The following UST variants were observed in gnomAD, a reference collection of about 807,000 sequenced individuals.
UST encodes uronyl 2-sulfotransferase, also known as chondroitin sulfate 2-O-sulfotransferase.
Under a neutral mutation model 45.6 loss-of-function variants are expected in UST, and 21 were observed. The ratio of observed to expected loss-of-function variants is 0.46; its 90% CI spans 0.33 to 0.66. UST has a LOEUF of 0.66. Among genes scored for constraint, UST ranks in the 30% least tolerant of loss-of-function variants. The probability of loss-of-function intolerance (pLI) is 0.02; values close to 1 mark genes in which losing one functional copy is unlikely to be tolerated. For synonymous variants in UST, 215 were observed against 200.6 expected, an observed-to-expected ratio of 1.07 and a Z score of -0.61; for missense variants, 463 against 512.4, an observed-to-expected ratio of 0.90 and a Z score of 0.93.
chr6:148,897,861 A>G (rs551159972), intron 2 of UST, among the ~76,000 whole-genome samples: 5 of 152,332 alleles, frequency 3.3e-5, no homozygotes, highest in East Asian at 1.9e-4. Flanking sequence ...TTATAAGAAC[A>G]TTGAGGTCTT....
intron 2 of UST, among the ~76,000 whole-genome samples, chr6:148,940,123 G>A (rs1780095422): frequency 6.6e-6 from 1 of 152,062 alleles, no homozygotes; most frequent in African/African-American, 2.4e-5. Context: ...TAGTCACAGG[G>A]AAATGCAAAT....
At chr6:148,818,591 G>T (rs963703125) in intron 1 of UST, among the ~76,000 whole-genome samples, 19 of 152,182 alleles carry the variant, frequency 1.2e-4, no homozygotes, top group African/African-American at 4.6e-4. Flanking sequence ...TTCAAACCTG[G>T]GTGGCTGGCT....
At chr6:148,879,842 T>C (rs897045317) in intron 1 of UST, among the ~76,000 whole-genome samples, 2 of 152,210 alleles carry the variant, frequency 1.3e-5, no homozygotes, top group Admixed American at 6.5e-5. Flanking sequence ...GGTACAGCAG[T>C]GTATTCAGAG....
At chr6:148,961,999 G>T (rs1475372661) in intron 4 of UST, among the ~76,000 whole-genome samples, 1 of 152,200 alleles carries the variant, frequency 6.6e-6, no homozygotes, top group East Asian at 1.9e-4. Context: ...TGTCACCCCA[G>T]ATTTTCCCAA....
intron 1 of UST, among the ~76,000 whole-genome samples, chr6:148,801,556 A>T (rs144687279): frequency 1.0e-3 from 158 of 152,006 alleles, no homozygotes; most frequent in Non-Finnish European, 1.9e-3. Flanking sequence ...GGTGTGGTAG[A>T]TGTGTGAAGG....
intron 1 of UST, among the ~76,000 whole-genome samples, chr6:148,828,961 C>T (rs1023965649): frequency 6.6e-6 from 1 of 152,102 alleles, no homozygotes; most frequent in African/African-American, 2.4e-5. Context: ...AATTAGAAAG[C>T]ACATGCTATT....
chr6:148,941,695 T>A (rs1780130417), intron 3 of UST, among the ~76,000 whole-genome samples: 1 of 152,234 alleles, frequency 6.6e-6, no homozygotes, highest in Non-Finnish European at 1.5e-5. Context: ...TCTAGTTAGC[T>A]AAAATTAGCG....
intron 1 of UST, among the ~76,000 whole-genome samples, chr6:148,793,684 A>G (rs1053341940): frequency 6.6e-6 from 1 of 152,086 alleles, no homozygotes; most frequent in African/African-American, 2.4e-5. Flanking sequence ...CTCCATTATC[A>G]TCTTGTGGGC....
chr6:148,941,303 G>A lies in UST; in HGVS notation c.316G>A (p.Val106Met), dbSNP rs201101428. The change falls in exon 3 of 8, where the codon GTG (valine) becomes ATG (methionine). Residue 106 changes from valine (V) to methionine (M), a missense_variant. Coordinates refer to ENST00000367463, the MANE Select transcript of UST (RefSeq NM_005715.3). ...GGTACTACCTTTCCCAAGCCAGGTG[G>A]TGTACAACAGGGTAGGCAAGTGTGG... ...SKVLPFPSQVVYNRVGKCGSR... is the reference protein window; with the variant it reads ...SKVLPFPSQVMYNRVGKCGSR... 6.2e-7 allele frequency: 1 copy of A among 1,612,516 alleles called. No homozygotes were observed. The highest frequency in any genetic ancestry group is 8.5e-7 in the Non-Finnish European group (1 of 1,179,650).
chr6:148,772,403 T>A (rs1035765446), intron 1 of UST, among the ~76,000 whole-genome samples: 4 of 151,326 alleles, frequency 2.6e-5, no homozygotes, highest in Admixed American at 1.3e-4. Flanking sequence ...GGTGGAGAAC[T>A]TACCTTGGGT....
intron 1 of UST, 100 bp downstream of exon 1, chr6:148,747,777 C>T (rs1775901587): frequency 7.2e-7 from 1 of 1,394,368 alleles, no homozygotes; most frequent in Non-Finnish European, 9.3e-7. Context: ...CACCGCGCGC[C>T]GCCGCCGCCC....
rs368728605 is a variant in UST at position 149,057,301 on chromosome 6, C to T, written c.938-16532C>T. ...CCATACTCCCATATTAAGGGCACTG[C>T]TGTACTCCTTTACATTCTCAGAGTC... On this transcript the variant is annotated intron_variant, in intron 7 of 7. Transcript: ENST00000367463. Among the ~76,000 whole-genome samples, 12 of 148,136 alleles carry T rather than the reference C, an allele frequency of 8.1e-5. No individual in the cohort carries two copies. The East Asian group carries it at 9.6e-4, about 12-fold the overall frequency.
intron 1 of UST, among the ~76,000 whole-genome samples, chr6:148,835,290 ACTATGCC>A (rs1777765851): frequency 6.6e-6 from 1 of 152,186 alleles, no homozygotes; most frequent in African/African-American, 2.4e-5. Context: ...ATATGCAAAT[ACTATGCC>A]ATATAATATC....
chr6:149,004,166 C>T (rs187035882), intron 5 of UST, among the ~76,000 whole-genome samples: 2 of 152,230 alleles, frequency 1.3e-5, no homozygotes, highest in South Asian at 4.2e-4. Flanking sequence ...CTATTGTACA[C>T]ACGAAAAACC....
At position 148,842,927 on chromosome 6, in the gene UST, G is replaced by A. The variant is rs541588245; in HGVS notation, c.248-44059G>A. Among the ~76,000 whole-genome samples, 15 of 152,172 alleles carry A rather than the reference G, an allele frequency of 9.9e-5. No homozygotes were observed. In the South Asian group the frequency reaches 2.3e-3, roughly 23 times the overall value. ...GGTTCTGGGAGCTAAATAAAACACC[G>A]GAAATAGATATTAAATAAAATAAAG... On this transcript the variant is annotated intron_variant, in intron 1 of 7. Coordinates refer to ENST00000367463, the MANE Select transcript of UST (RefSeq NM_005715.3).
At chr6:148,986,359 A>G (rs998148791) in intron 5 of UST, among the ~76,000 whole-genome samples, 4 of 152,226 alleles carry the variant, frequency 2.6e-5, no homozygotes, top group Admixed American at 2.6e-4. Flanking sequence ...TACAGAGGTT[A>G]AGTAACTTGC....
At chr6:149,055,211 T>G (rs1776545527) in intron 7 of UST, among the ~76,000 whole-genome samples, 1 of 152,150 alleles carries the variant, frequency 6.6e-6, no homozygotes, top group Non-Finnish European at 1.5e-5. Context: ...AATTAGAAAT[T>G]TTTAGAAATA....
intron 2 of UST, among the ~76,000 whole-genome samples, chr6:148,896,071 G>T (rs775329349): frequency 4.2e-4 from 64 of 152,164 alleles, no homozygotes; most frequent in Non-Finnish European, 7.9e-4. Context: ...CTTATAGAAG[G>T]TATTGGGAGT....
At position 148,824,879 on chromosome 6, in the gene UST, T is replaced by C. The variant is rs1777539936; in HGVS notation, c.248-62107T>C. ...AGAGTGTGATTTTCCCCTTCCTGTGTCCATGTGATCTCATTGTTCAATTCC... is the reference window on the plus strand; with the variant it reads ...AGAGTGTGATTTTCCCCTTCCTGTGCCCATGTGATCTCATTGTTCAATTCC... On this transcript the variant is annotated intron_variant, in intron 1 of 7. Coordinates refer to ENST00000367463, the MANE Select transcript of UST (RefSeq NM_005715.3). Among the ~76,000 whole-genome samples, 6 of 131,212 alleles carry C rather than the reference T, an allele frequency of 4.6e-5. No homozygotes were observed. The South Asian group carries it at 1.5e-3, about 32-fold the overall frequency. 86.1% of individuals were successfully genotyped at this position (131,212 alleles called of 152,430 possible). A position where few individuals can be genotyped will look rare whatever the true frequency, so the allele number is the denominator to read the frequency against.
Sources: allele counts gnomAD v4.1 joint callset (sites outside exome capture counted in the v4.1 genomes callset), GRCh38; gene constraint gnomAD v4.1.1; transcripts MANE v1.5; gene names NCBI Gene and HGNC (gene_info 2026-07-23, HGNC 2026-07-21).